The following CNTN4 variants were observed in gnomAD, a reference collection of about 807,000 sequenced individuals.
CNTN4 encodes the protein contactin-4.
In CNTN4, 77 loss-of-function variants were observed where a neutral mutation model predicts 122.5. The observed-to-expected ratio is 0.63, with a 90% CI of 0.52 to 0.76. The LOEUF (loss-of-function observed/expected upper bound fraction) is 0.76. Among genes scored for constraint, CNTN4 ranks in the 30% least tolerant of loss-of-function variants. CNTN4 has a pLI of 0.00. For synonymous variants in CNTN4, 512 were observed against 447.0 expected (o/e 1.15, Z -1.83); for missense variants, 1,256 against 1,259.1 (o/e 1.00, Z 0.04).
In CNTN4 at chr3:3,039,976, C is replaced by G. The variant is rs149629275; in HGVS notation, c.2164-61C>G. 4.1e-5 allele frequency: 50 copies of G among 1,211,368 alleles called. No homozygotes were observed. In the East Asian group the frequency reaches 1.1e-3, roughly 25 times the overall value. The allele number at this position is 1,211,368 out of a possible 1,614,324, so 75.0% of individuals were successfully genotyped here. On this transcript the variant is annotated intron_variant, in intron 19 of 24. Coordinates refer to ENST00000418658, the MANE Select transcript of CNTN4 (RefSeq NM_175607.3). ...AAGAATGTTACAAGGGAAACAAAAACGATTTTTGCATTTGAGTGAAACTAC... is the reference window on the plus strand; with the variant it reads ...AAGAATGTTACAAGGGAAACAAAAAGGATTTTTGCATTTGAGTGAAACTAC...
At chr3:2,952,492 T>C (rs2094756241) in intron 13 of CNTN4, among the ~76,000 whole-genome samples, 1 of 152,228 alleles carries the variant, frequency 6.6e-6, no homozygotes, top group Admixed American at 6.5e-5. Context: ...CTAACCACTG[T>C]AGAGTTTTTG....
rs563921804 is a variant in CNTN4 at position 2,705,816 on chromosome 3, A to T, written c.56-30399A>T. ...TATATTTGTTATATATAATATATAT[A>T]ATATATAATAAATATATATAATATA... On this transcript the variant is annotated intron_variant, in intron 4 of 24. Coordinates refer to ENST00000418658, the MANE Select transcript of CNTN4 (RefSeq NM_175607.3). Among the ~76,000 whole-genome samples, 359 of 106,924 alleles carry T rather than the reference A, an allele frequency of 3.4e-3. 2 individuals are homozygous for T. The highest frequency in any genetic ancestry group is 0.012 in the South Asian group (47 of 3,878). The allele number at this position is 106,924 out of a possible 152,430, so 70.1% of individuals were successfully genotyped here. A position where few individuals can be genotyped will look rare whatever the true frequency, so the allele number is the denominator to read the frequency against.
chr3:2,318,236 G>T (rs2043175736), intron 2 of CNTN4, among the ~76,000 whole-genome samples: 2 of 141,622 alleles, frequency 1.4e-5, no homozygotes, highest in South Asian at 4.4e-4. Flanking sequence ...AAAAAAAAAA[G>T]AGTATGTGTA....
chr3:3,016,848 T>C (rs915396827), intron 14 of CNTN4, among the ~76,000 whole-genome samples: 1 of 152,154 alleles, frequency 6.6e-6, no homozygotes, highest in Admixed American at 6.5e-5. Flanking sequence ...TCCTTGAAAA[T>C]AGATCAGTAA....
chr3:2,735,091 C>G (rs1255370801), intron 4 of CNTN4, among the ~76,000 whole-genome samples: 2 of 152,126 alleles, frequency 1.3e-5, no homozygotes, highest in Admixed American at 6.6e-5. Context: ...TACAGTCATG[C>G]TTTCAAAGAG....
In CNTN4 at chr3:2,766,441, G is replaced by A. The variant is rs77236517; in HGVS notation, c.358+20744G>A. Among the ~76,000 whole-genome samples the A allele has an allele frequency of 4.7e-3, 717 of 152,296 alleles. 7 individuals carry two copies. The highest frequency in any genetic ancestry group is 0.016 in the African/African-American group (676 of 41,550). The stretch of plus-strand genomic sequence containing the variant: ...AAAAGAGAATGAGTTAGTGGCATTC[G>A]CAGCAACCTGGATGAGATTGGAGAC... On this transcript the variant is annotated intron_variant, in intron 6 of 24. Coordinates refer to ENST00000418658, the MANE Select transcript of CNTN4 (RefSeq NM_175607.3).
intron 7 of CNTN4, among the ~76,000 whole-genome samples, chr3:2,828,572 T>A (rs577921856): frequency 8.5e-5 from 13 of 152,358 alleles, no homozygotes; most frequent in Non-Finnish European, 1.8e-4. Flanking sequence ...ATAATTTCTA[T>A]GAAACATGCA....
chr3:2,380,697 G>A (rs995989215), intron 3 of CNTN4, among the ~76,000 whole-genome samples: 1 of 148,730 alleles, frequency 6.7e-6, no homozygotes, highest in Non-Finnish European at 1.5e-5. Flanking sequence ...TGCTTAGTGG[G>A]TTTCTTTTTT....
At chr3:2,227,795 G>T (rs1448721965) in intron 2 of CNTN4, among the ~76,000 whole-genome samples, 6 of 152,126 alleles carry the variant, frequency 3.9e-5, no homozygotes, top group African/African-American at 1.4e-4. Flanking sequence ...AATAGTAAAT[G>T]AAGACCTATT....
At chr3:2,826,580 C>T (rs534307297) in intron 7 of CNTN4, among the ~76,000 whole-genome samples, 2 of 152,278 alleles carry the variant, frequency 1.3e-5, no homozygotes, top group South Asian at 4.1e-4. Flanking sequence ...TGGTCTTGGG[C>T]CAATTATGTA....
intron 4 of CNTN4, among the ~76,000 whole-genome samples, chr3:2,590,069 T>A (rs1441984499): frequency 6.6e-6 from 1 of 152,168 alleles, no homozygotes; most frequent in Non-Finnish European, 1.5e-5. Flanking sequence ...CCACAATCTG[T>A]TCCTCTCCTT....
At chr3:2,963,630 C>G (rs141784171) in intron 13 of CNTN4, among the ~76,000 whole-genome samples, 8 of 152,200 alleles carry the variant, frequency 5.3e-5, no homozygotes, top group Admixed American at 3.3e-4. Flanking sequence ...CAAAGAGAGG[C>G]CTTCCATGTT....
intron 2 of CNTN4, among the ~76,000 whole-genome samples, chr3:2,226,305 T>C (rs2039281174): frequency 6.6e-6 from 1 of 152,206 alleles, no homozygotes; most frequent in East Asian, 1.9e-4. Flanking sequence ...CAAAGTAGTA[T>C]GCTGCTATTT....
chr3:2,577,491 G>A lies in CNTN4; in HGVS notation c.55+5933G>A, dbSNP rs1043516349. 6.5e-4 allele frequency among the ~76,000 whole-genome samples: 99 copies of A among 152,154 alleles called. 2 individuals carry two copies. Among genetic ancestry groups the A allele is most frequent in the Admixed American group, 6.2e-3 (94 of 15,276 alleles). On this transcript the variant is annotated intron_variant, in intron 4 of 24. Transcript: ENST00000418658. ...CTTGTTTTATTATTAACCAGATGTTGAGCAAGTCATTGTACCTAAGATTCA... is the reference window on the plus strand; with the variant it reads ...CTTGTTTTATTATTAACCAGATGTTAAGCAAGTCATTGTACCTAAGATTCA...
rs140109604 is a variant in CNTN4 at position 2,939,521 on chromosome 3, C to G, written c.1358+13742C>G. ...ACAGGAGTTAAAATTTAAAAGAAAA[C>G]AAATAATTGATGACATTAGGATAAA... On this transcript the variant is annotated intron_variant, in intron 13 of 24. Coordinates refer to ENST00000418658, the MANE Select transcript of CNTN4 (RefSeq NM_175607.3). Among the ~76,000 whole-genome samples the G allele has an allele frequency of 7.8e-3, 1,194 of 152,152 alleles. 17 individuals carry two copies. Among genetic ancestry groups the G allele is most frequent in the African/African-American group, 0.025 (1,054 of 41,504 alleles).
intron 6 of CNTN4, among the ~76,000 whole-genome samples, chr3:2,797,015 CAT>C (rs2092206592): frequency 6.6e-6 from 1 of 151,994 alleles, no homozygotes; most frequent in Admixed American, 6.6e-5. Context: ...TTGTTGTTTT[CAT>C]AGAGATAGAG....
intron 5 of CNTN4, among the ~76,000 whole-genome samples, chr3:2,742,617 C>G (rs964776244): frequency 6.6e-6 from 1 of 152,038 alleles, no homozygotes; most frequent in Non-Finnish European, 1.5e-5. Flanking sequence ...CAGAGTGTCA[C>G]AGCATCGGTG....
chr3:2,341,588 G>A (rs970922211), intron 3 of CNTN4, among the ~76,000 whole-genome samples: 9 of 152,134 alleles, frequency 5.9e-5, no homozygotes, highest in African/African-American at 2.2e-4. Flanking sequence ...ATGCCCCTTG[G>A]ACTCTACTCA....
intron 13 of CNTN4, among the ~76,000 whole-genome samples, chr3:2,966,388 C>A (rs1040517659): frequency 2.0e-5 from 3 of 151,894 alleles, no homozygotes; most frequent in Non-Finnish European, 4.4e-5. Context: ...CACTGAAAGA[C>A]AAATTTTGCA....
Sources: allele counts gnomAD v4.1 joint callset (sites outside exome capture counted in the v4.1 genomes callset), GRCh38; gene constraint gnomAD v4.1.1; transcripts MANE v1.5; gene names NCBI Gene and HGNC (gene_info 2026-07-23, HGNC 2026-07-21).